DACH2: variants seen among roughly 807,000 people sequenced by gnomAD.
DACH2 encodes dachshund homolog 2.
A neutral mutation model predicts 35.8 loss-of-function variants in DACH2; 17 were observed. The observed-to-expected ratio is 0.48, with a 90% CI of 0.33 to 0.71. The LOEUF (loss-of-function observed/expected upper bound fraction) is 0.71. Ranked by LOEUF, DACH2 falls within the 30% of genes least tolerant of loss-of-function variation. The probability of loss-of-function intolerance (pLI) is 0.02; values close to 1 mark genes in which losing one functional copy is unlikely to be tolerated. For synonymous variants in DACH2, 195 were observed against 177.3 expected, an observed-to-expected ratio of 1.10 and a Z score of -0.79; for missense variants, 469 against 472.7, an observed-to-expected ratio of 0.99 and a Z score of 0.07.
intron 1 of DACH2, among the ~76,000 whole-genome samples, chrX:86,150,770 C>T (rs1041565365): frequency 2.7e-5 from 3 of 111,917 alleles, no homozygotes; most frequent in Non-Finnish European, 5.6e-5. Flanking sequence ...AGTACACAAA[C>T]TAAAAAGGTT....
At chrX:86,512,904 G>A (rs901507765) in intron 2 of DACH2, 33 of 327,096 alleles carry the variant, frequency 1.0e-4, no homozygotes, top group Admixed American at 1.9e-4. Context: ...AATAAATTAT[G>A]GCCCAGAATC....
At chrX:86,740,342 TTTTA>T (rs898334719) in intron 7 of DACH2, among the ~76,000 whole-genome samples, 4 of 110,189 alleles carry the variant, frequency 3.6e-5, no homozygotes, top group Admixed American at 9.8e-5. Context: ...ATTTATTTTA[TTTTA>T]TTTATTTATT....
At position 86,609,851 on chromosome X, in the gene DACH2, G is replaced by C. The variant is rs139670766; in HGVS notation, c.641-41185G>C. Among the ~76,000 whole-genome samples, 583 of 111,435 alleles carry C rather than the reference G, an allele frequency of 5.2e-3. 3 individuals carry two copies. The highest frequency in any genetic ancestry group is 0.018 in the African/African-American group (551 of 30,642). On this transcript the variant is annotated intron_variant, in intron 3 of 11. Transcript: ENST00000373125. ...TCTGTTCTGAGCCACCTATTACTGG[G>C]GGTGGAGTGACAAAAGCAGCCCTAT...
chrX:86,336,090 G>T (rs976445610), intron 1 of DACH2, among the ~76,000 whole-genome samples: 3 of 111,672 alleles, frequency 2.7e-5, no homozygotes, highest in Non-Finnish European at 5.6e-5. Flanking sequence ...TGCTTCCCAG[G>T]TATGAAGCCA....
At chrX:86,627,241 T>C (rs998724857) in intron 3 of DACH2, among the ~76,000 whole-genome samples, 2 of 111,941 alleles carry the variant, frequency 1.8e-5, no homozygotes, top group East Asian at 5.6e-4. Context: ...TGTAGGGCAG[T>C]GGCAAAATAC....
At chrX:86,268,941 G>A (rs1223230816) in intron 1 of DACH2, among the ~76,000 whole-genome samples, 2 of 111,038 alleles carry the variant, frequency 1.8e-5, no homozygotes, top group African/African-American at 6.6e-5. Flanking sequence ...TTATAAAATG[G>A]AGTATCCATC....
At chrX:86,683,140 T>C (rs2040901402) in intron 4 of DACH2, among the ~76,000 whole-genome samples, 1 of 111,860 alleles carries the variant, frequency 8.9e-6, no homozygotes, top group Admixed American at 9.6e-5. Flanking sequence ...CTCTTTCCTC[T>C]TATCTTTTGT....
chrX:86,382,282 G>A (rs2036057477), intron 2 of DACH2, among the ~76,000 whole-genome samples: 1 of 109,297 alleles, frequency 9.1e-6, no homozygotes, highest in African/African-American at 3.3e-5. Flanking sequence ...TGAAAGATCT[G>A]GATCTTTATC....
In DACH2 at chrX:86,164,103, T is replaced by C. The variant is rs897250129; in HGVS notation, c.488+14995T>C. Among the ~76,000 whole-genome samples, 14 of 111,558 alleles carry C rather than the reference T, an allele frequency of 1.3e-4. No homozygotes were observed. The East Asian group carries it at 3.1e-3, about 25-fold the overall frequency. The stretch of plus-strand genomic sequence containing the variant: ...CACCAGCATGTTATTTATTTATTTA[T>C]TTTTTGCTTTCTAGTAATAGCCATT... On this transcript the variant is annotated intron_variant, in intron 1 of 11. Coordinates refer to ENST00000373125, the MANE Select transcript of DACH2 (RefSeq NM_053281.3).
chrX:86,658,555 C>T (rs1215954220), intron 4 of DACH2, among the ~76,000 whole-genome samples: 2 of 111,403 alleles, frequency 1.8e-5, no homozygotes, highest in Non-Finnish European at 3.8e-5. Context: ...GCATGAATAA[C>T]AACGTGTTCA....
At chrX:86,640,715 A>G (rs1360205724) in intron 3 of DACH2, among the ~76,000 whole-genome samples, 2 of 111,158 alleles carry the variant, frequency 1.8e-5, no homozygotes, top group African/African-American at 3.3e-5. Context: ...AGAGCACGAG[A>G]GGGAACACAG....
chrX:86,359,117 G>GTA (rs2035695239), intron 1 of DACH2, among the ~76,000 whole-genome samples: 2 of 104,543 alleles, frequency 1.9e-5, no homozygotes, highest in African/African-American at 6.8e-5. Flanking sequence ...GTGTGTGTTT[G>GTA]TGTGTGCATG....
At chrX:86,552,569 G>A (rs2039064781) in intron 3 of DACH2, among the ~76,000 whole-genome samples, 1 of 111,884 alleles carries the variant, frequency 8.9e-6, no homozygotes, top group Non-Finnish European at 1.9e-5. Flanking sequence ...GAAATTTTGA[G>A]CATTTAAAAA....
chrX:86,317,211 A>C (rs1245169845), intron 1 of DACH2, among the ~76,000 whole-genome samples: 2 of 110,867 alleles, frequency 1.8e-5, no homozygotes, highest in African/African-American at 6.6e-5. Flanking sequence ...ATGACAACAG[A>C]GTTTATTTGA....
intron 2 of DACH2, among the ~76,000 whole-genome samples, chrX:86,453,232 A>G (rs751681016): frequency 8.9e-6 from 1 of 111,935 alleles, no homozygotes; most frequent in South Asian, 3.7e-4. Flanking sequence ...TTTACTTTAG[A>G]TTATGTAATC....
intron 1 of DACH2, among the ~76,000 whole-genome samples, chrX:86,333,062 A>C (rs2035240516): frequency 8.9e-6 from 1 of 111,818 alleles, no homozygotes; most frequent in South Asian, 3.7e-4. Context: ...AACAGTATAG[A>C]GACAGTACCT....
intron 3 of DACH2, among the ~76,000 whole-genome samples, chrX:86,593,673 C>T (rs933378364): frequency 9.4e-4 from 104 of 110,107 alleles, no homozygotes; most frequent in African/African-American, 3.0e-3. Flanking sequence ...GTCATCTGCC[C>T]GCCTCAGCCT....
intron 9 of DACH2, among the ~76,000 whole-genome samples, chrX:86,813,787 T>C (rs1044746234): frequency 2.7e-5 from 3 of 110,900 alleles, no homozygotes; most frequent in Non-Finnish European, 3.8e-5. Flanking sequence ...TTGTTCAGGC[T>C]TTGAAAACTA....
intron 2 of DACH2, among the ~76,000 whole-genome samples, chrX:86,418,374 T>C (rs1319436091): frequency 8.9e-6 from 1 of 112,319 alleles, no homozygotes; most frequent in Non-Finnish European, 1.9e-5. Flanking sequence ...ATGAGAACCC[T>C]TTCCCTGCAG....
Sources: allele counts gnomAD v4.1 joint callset (sites outside exome capture counted in the v4.1 genomes callset), GRCh38; gene constraint gnomAD v4.1.1; transcripts MANE v1.5; gene names NCBI Gene and HGNC (gene_info 2026-07-23, HGNC 2026-07-21).